The following SYNPR variants were observed in gnomAD, a reference collection of about 807,000 sequenced individuals.
The protein encoded by SYNPR is synaptoporin.
SYNPR carries 23 observed loss-of-function variants against 32.9 expected under a neutral mutation model. That is an observed-to-expected ratio of 0.70 (90% confidence interval 0.50 to 0.99). The LOEUF (loss-of-function observed/expected upper bound fraction) is 0.99, where lower values mean the gene tolerates loss of function less well. Ranked by LOEUF, SYNPR falls within the 50% of genes least tolerant of loss-of-function variation. SYNPR has a pLI of 0.00. For synonymous variants in SYNPR, 146 were observed against 135.9 expected, an observed-to-expected ratio of 1.07 and a Z score of -0.52; for missense variants, 318 against 349.3, an observed-to-expected ratio of 0.91 and a Z score of 0.71.
intron 1 of SYNPR, among the ~76,000 whole-genome samples, chr3:63,250,949 A>G (rs900013588): frequency 6.6e-6 from 1 of 152,146 alleles, no homozygotes; most frequent in African/African-American, 2.4e-5. Context: ...ATTTTGATAA[A>G]GACTTAAAAG....
At chr3:63,340,701 G>T (rs1232401928) in intron 2 of SYNPR, among the ~76,000 whole-genome samples, 2 of 152,134 alleles carry the variant, frequency 1.3e-5, no homozygotes, top group Non-Finnish European at 2.9e-5. Flanking sequence ...TTACAGGCGT[G>T]AGCCACCGCG....
chr3:63,270,768 G>A (rs1326755109), intron 3 of SYNPR, among the ~76,000 whole-genome samples: 1 of 152,042 alleles, frequency 6.6e-6, no homozygotes, highest in Non-Finnish European at 1.5e-5. Flanking sequence ...CACAGTGCCT[G>A]GCATGTAGTA....
At chr3:63,502,589 C>T (rs1478738451) in intron 3 of SYNPR, among the ~76,000 whole-genome samples, 1 of 152,100 alleles carries the variant, frequency 6.6e-6, no homozygotes, top group Non-Finnish European at 1.5e-5. Context: ...ACCATTGATG[C>T]TTTTTCTGTC....
At chr3:63,478,075 C>G (rs1426702416) in intron 2 of SYNPR, among the ~76,000 whole-genome samples, 1 of 152,146 alleles carries the variant, frequency 6.6e-6, no homozygotes, top group Non-Finnish European at 1.5e-5. Context: ...TCATATTTAA[C>G]TCAATTACAA....
intron 1 of SYNPR, among the ~76,000 whole-genome samples, chr3:63,248,461 A>G (rs971892758): frequency 1.3e-5 from 2 of 152,136 alleles, no homozygotes; most frequent in African/African-American, 2.4e-5. Flanking sequence ...TAAGAGATGC[A>G]TAAGTATGAA....
At chr3:63,202,352 A>G in the SYNPR span, among the ~76,000 whole-genome samples, 1 of 152,176 alleles carries the variant, frequency 6.6e-6, no homozygotes, top group Admixed American at 6.5e-5. Context: ...TGGTTCATAA[A>G]TATTTTCTCC....
At chr3:63,231,085 T>C (rs913658664) in intron 1 of SYNPR, among the ~76,000 whole-genome samples, 4 of 152,120 alleles carry the variant, frequency 2.6e-5, no homozygotes, top group African/African-American at 9.7e-5. Context: ...TACAAAGATA[T>C]GGAACCAACC....
intron 2 of SYNPR, among the ~76,000 whole-genome samples, chr3:63,461,874 C>T (rs1312082709): frequency 1.3e-5 from 2 of 151,982 alleles, no homozygotes; most frequent in Non-Finnish European, 2.9e-5. Flanking sequence ...GGATGTAAAG[C>T]AGTTTCTTCA....
chr3:63,544,417 C>T (rs76338321), intron 3 of SYNPR, among the ~76,000 whole-genome samples: 3,595 of 151,958 alleles, frequency 0.024, 103 homozygotes, highest in East Asian at 0.1. Context: ...ATTCCAAAGC[C>T]GACAGGATAA....
At chr3:63,505,822 G>A (rs1370798676) in intron 3 of SYNPR, among the ~76,000 whole-genome samples, 2 of 152,142 alleles carry the variant, frequency 1.3e-5, no homozygotes, top group Admixed American at 1.3e-4. Context: ...TGGCTGCATG[G>A]TTTAGTCAAC....
intron 2 of SYNPR, among the ~76,000 whole-genome samples, chr3:63,263,909 T>G (rs2086460039): frequency 6.6e-6 from 1 of 152,178 alleles, no homozygotes. Context: ...ATGGGAAGTG[T>G]CATACAATTT....
intron 4 of SYNPR, among the ~76,000 whole-genome samples, chr3:63,569,668 C>T (rs567649279): frequency 3.9e-5 from 6 of 152,354 alleles, no homozygotes; most frequent in Non-Finnish European, 8.8e-5. Context: ...GCCACGCAAG[C>T]GTAGGCCCAG....
At chr3:63,331,162 C>T (rs1467887813) in intron 2 of SYNPR, among the ~76,000 whole-genome samples, 1 of 152,140 alleles carries the variant, frequency 6.6e-6, no homozygotes, top group Admixed American at 6.5e-5. Flanking sequence ...TTATGTGTCC[C>T]TTAAATCTAG....
intron 2 of SYNPR, among the ~76,000 whole-genome samples, chr3:63,453,706 C>T (rs941263769): frequency 2.6e-5 from 4 of 152,138 alleles, no homozygotes; most frequent in African/African-American, 9.7e-5. Flanking sequence ...GCTCCCATTA[C>T]CCACTACCTG....
At chr3:63,592,141 G>A (rs989436029) in intron 4 of SYNPR, among the ~76,000 whole-genome samples, 11 of 152,112 alleles carry the variant, frequency 7.2e-5, no homozygotes, top group African/African-American at 1.2e-4. Context: ...AGACTGGAGC[G>A]GTGCATCTAT....
intron 2 of SYNPR, among the ~76,000 whole-genome samples, chr3:63,466,817 C>T (rs1460303877): frequency 1.4e-5 from 2 of 140,806 alleles, no homozygotes; most frequent in Admixed American, 6.8e-5. Context: ...GGGCCTCATC[C>T]TTATGACTTC....
At chr3:63,361,400 A>G (rs1025156399) in intron 2 of SYNPR, among the ~76,000 whole-genome samples, 1 of 152,136 alleles carries the variant, frequency 6.6e-6, no homozygotes, top group East Asian at 1.9e-4. Context: ...ATCCTGGCCA[A>G]CAAGGTACAT....
Position 63,615,614 on chromosome 3 carries a change from T to C in SYNPR, c.*133T>C, listed in dbSNP as rs540965680. 8.1e-7 allele frequency: 1 copy of C among 1,240,006 alleles called. No homozygotes were observed. Among genetic ancestry groups the C allele is most frequent in the South Asian group, 1.6e-5 (1 of 62,066 alleles). The allele number at this position is 1,240,006 out of a possible 1,614,324, so 76.8% of individuals were successfully genotyped here. A position where few individuals can be genotyped will look rare whatever the true frequency, so the allele number is the denominator to read the frequency against. On this transcript the variant is annotated 3_prime_UTR_variant, in exon 6 of 6. Coordinates refer to ENST00000478300, the MANE Select transcript of SYNPR (RefSeq NM_001130003.2). ...GTAAATCAGAGCTCTCTAGTCTTCATTAAGGCAGCAAGTCCTGGGTTGTGA... is the reference window on the plus strand; with the variant it reads ...GTAAATCAGAGCTCTCTAGTCTTCACTAAGGCAGCAAGTCCTGGGTTGTGA...
intron 5 of SYNPR, chr3:63,610,649 T>C (rs920448633): frequency 4.1e-6 from 2 of 488,982 alleles, no homozygotes; most frequent in South Asian, 8.6e-5. Flanking sequence ...CTTTGAGGTA[T>C]ACGTTACCAT....
Sources: gnomAD v4.1 joint callset for allele counts (sites outside exome capture counted in the v4.1 genomes callset) on GRCh38, gnomAD v4.1.1 for gene constraint, MANE v1.5 for transcripts, NCBI Gene and HGNC (gene_info 2026-07-23, HGNC 2026-07-21) for gene names.